Variants in CD1C observed in about 807,000 individuals in gnomAD.
CD1C encodes CD1c molecule, also known as T-cell surface glycoprotein CD1c.
CD1C carries 47 observed loss-of-function variants against 39.4 expected under a neutral mutation model. That is an observed-to-expected ratio of 1.19 (90% CI 0.94 to 1.52). CD1C has a LOEUF of 1.52. Among genes scored for constraint, CD1C ranks in the 40% most tolerant of loss-of-function variants. The pLI is 0.00. For synonymous variants in CD1C, 165 were observed against 150.8 expected, an observed-to-expected ratio of 1.09 and a Z score of -0.69; for missense variants, 417 against 395.2, an observed-to-expected ratio of 1.06 and a Z score of -0.47.
intron 1 of CD1C, 69 bp downstream of exon 1, chr1:158,290,194 G>A (rs1425169013): frequency 1.5e-6 from 2 of 1,377,730 alleles, no homozygotes; most frequent in Admixed American, 1.7e-5. Flanking sequence ...TTCCCGAGAT[G>A]GATCAATAGA....
rs1413223479 is a variant in CD1C, at chr1:158,294,451, C to T, written c.*975C>T. On this transcript the variant is annotated 3_prime_UTR_variant, in exon 6 of 6. Transcript: ENST00000368170. ...TCTCCTGAAGTTGCAATGTTTGCTT[C>T]CTCAATCTGTCCATGTTTCTTTTCT... Among the ~76,000 whole-genome samples, 1 of 152,098 alleles carries T rather than the reference C, an allele frequency of 6.6e-6. No homozygotes were observed. Among genetic ancestry groups the T allele is most frequent in the Non-Finnish European group, 1.5e-5 (1 of 68,012 alleles).
intron 2 of CD1C, among the ~76,000 whole-genome samples, chr1:158,291,671 G>A (rs1432490831): frequency 6.6e-6 from 1 of 151,990 alleles, no homozygotes; most frequent in Non-Finnish European, 1.5e-5. Flanking sequence ...GTCCCACTCT[G>A]TGCTTGACTC....
In CD1C at chr1:158,294,513, A is replaced by G. The variant is rs1651163724; in HGVS notation, c.*1037A>G. ...GTTTTTATTTATTTCAAAAAATTTT[A>G]AATAGATTTTATTGATGTATAATTT... On this transcript the variant is annotated 3_prime_UTR_variant, in exon 6 of 6. Coordinates refer to ENST00000368170, the MANE Select transcript of CD1C (RefSeq NM_001765.3). Among the ~76,000 whole-genome samples the G allele has an allele frequency of 2.0e-5, 3 of 152,142 alleles. No homozygotes were observed. The highest frequency in any genetic ancestry group is 2.9e-5 in the Non-Finnish European group (2 of 68,026).
Position 158,291,391 on chromosome 1 carries a change from T to G in CD1C, c.319T>G (p.Tyr107Asp), listed in dbSNP as rs1463202312. Residue 107 changes from tyrosine to aspartate, a missense_variant, in exon 2 of 6, where the codon TAC (tyrosine) becomes GAC (aspartate). By Grantham distance (160) the Tyr-to-Asp change is radical. Transcript: ENST00000368170. ...GATTCAAGACCATGCAAGTCAAGAT[T>G]ACTCGAAATGTAAGTTCAATCATCT... ...REIQDHASQD[Y>D]SKYPFEVQVK... The G allele has an allele frequency of 7.4e-6, 12 of 1,613,412 alleles. No individual in the cohort carries two copies. The East Asian group carries it at 2.7e-4, about 36-fold the overall frequency.
chr1:158,292,413 G>T (rs753700863), intron 3 of CD1C, 48 bp downstream of exon 3: 1 of 1,568,532 alleles, frequency 6.4e-7, no homozygotes, highest in South Asian at 1.2e-5. Flanking sequence ...TTCAAGTACT[G>T]CCCCTTCTGT....
intron 1 of CD1C, 32 bp from the exon 2 acceptor site, chr1:158,291,102 C>A: frequency 3.4e-6 from 5 of 1,476,682 alleles, no homozygotes; most frequent in South Asian, 1.4e-5. Flanking sequence ...TTTTTTTTTT[C>A]CTTACACTAC....
At chr1:158,291,100 TTC>T (rs1208337939) in intron 1 of CD1C, 32 bp from the exon 2 acceptor site, 3 of 1,570,182 alleles carry the variant, frequency 1.9e-6, no homozygotes, top group African/African-American at 1.4e-5. Flanking sequence ...TTTTTTTTTT[TTC>T]CTTACACTAC....
chr1:158,291,272 T>C lies in CD1C; in HGVS notation c.200T>C (p.Phe67Ser). ...GWDSESGTII[F>S]LHNWSKGNFS... ...GACAGTGAATCAGGCACAATAATTTTCCTGCATAACTGGTCCAAGGGCAAC... is the reference window on the plus strand; with the variant it reads ...GACAGTGAATCAGGCACAATAATTTCCCTGCATAACTGGTCCAAGGGCAAC... The change falls in exon 2 of 6, where the codon TTC (phenylalanine) becomes TCC (serine). Residue 67 changes from phenylalanine (F) to serine (S), a missense_variant. Coordinates refer to ENST00000368170, the MANE Select transcript of CD1C (RefSeq NM_001765.3). 2.5e-6 allele frequency: 4 copies of C among 1,614,130 alleles called. No individual in the cohort carries two copies. The highest frequency in any genetic ancestry group is 1.7e-6 in the Non-Finnish European group (2 of 1,180,016).
At position 158,292,096 on chromosome 1, in the gene CD1C, TA is replaced by T. The variant is rs764463540; in HGVS notation, c.342del (p.Gln115ArgfsTer2). On this transcript the variant is annotated frameshift_variant, in exon 3 of 6. Coordinates refer to ENST00000368170, the MANE Select transcript of CD1C (RefSeq NM_001765.3). LOFTEE classifies it high-confidence loss of function. ...SQDYSKYPFE[V>X]QVKAGCELHS... is the part of the protein sequence containing the mutation. ...TCCCTTCCTCCAGATCCCTTTGAAG[TA>T]CAGGTGAAAGCGGGCTGTGAGCTGC... 1.9e-6 allele frequency: 3 copies of T among 1,613,682 alleles called. No homozygotes were observed. Among genetic ancestry groups the T allele is most frequent in the Non-Finnish European group, 2.5e-6 (3 of 1,179,924 alleles).
chr1:158,292,899 G>T, intron 4 of CD1C, 25 bp downstream of exon 4: 1 of 1,610,228 alleles, frequency 6.2e-7, no homozygotes, highest in South Asian at 1.1e-5. Flanking sequence ...TGGAAGTGTA[G>T]GTAGGTGGTT....
Position 158,293,228 on chromosome 1 carries a change from G to T in CD1C, c.906G>T (p.Met302Ile). The change falls in exon 5 of 6, where the codon ATG becomes ATT. Residue 302 changes from methionine to isoleucine, a missense_variant. By Grantham distance (10) the Met-to-Ile change is conservative. Coordinates refer to ENST00000368170, the MANE Select transcript of CD1C (RefSeq NM_001765.3). ...TATGTGCAGGACACCACTTTTCCAT[G>T]AATTGGATTGCCTTGGTAGTGATAG... ...IILYWGHHFS[M>I]NWIALVVIVP... 6.2e-7 allele frequency: 1 copy of T among 1,613,866 alleles called. No homozygotes were observed. Among genetic ancestry groups the T allele is most frequent in the Non-Finnish European group, 8.5e-7 (1 of 1,179,782 alleles).
Position 158,290,038 on chromosome 1 carries a change from T to G in CD1C, c.-27T>G. 6.2e-7 allele frequency: 1 copy of G among 1,611,400 alleles called. No individual in the cohort carries two copies. The highest frequency in any genetic ancestry group is 8.5e-7 in the Non-Finnish European group (1 of 1,177,594). ...AACAGAGATCAGCAAACAGCTTTTC[T>G]GAGAGAAAGAAACATCTGCAAATGA... On this transcript the variant is annotated 5_prime_UTR_variant, in exon 1 of 6. It removes the in-frame stop codon of an upstream open reading frame in the 5' UTR. Transcript: ENST00000368170.
rs1279182344 is a variant in CD1C, at chr1:158,294,601, G to GTAAACAAAAT, written c.*1126_*1135dup. 2.0e-5 allele frequency among the ~76,000 whole-genome samples: 3 copies of GTAAACAAAAT among 152,156 alleles called. No homozygotes were observed. The highest frequency in any genetic ancestry group is 2.9e-5 in the Non-Finnish European group (2 of 68,034). On this transcript the variant is annotated 3_prime_UTR_variant, in exon 6 of 6. Coordinates refer to ENST00000368170, the MANE Select transcript of CD1C (RefSeq NM_001765.3). ...TATTTTGATAATTATATAAGCCCAT[G>GTAAACAAAAT]TAAACAAAATCACAATCAAGATATT...
In CD1C at chr1:158,292,701, G is replaced by A; in HGVS notation, c.716G>A (p.Trp239Ter). Residue 239 changes from tryptophan to a stop codon, truncating the protein, a stop_gained, in exon 4 of 6, where the codon TGG becomes TAG. Coordinates refer to ENST00000368170, the MANE Select transcript of CD1C (RefSeq NM_001765.3). LOFTEE classifies it high-confidence loss of function. The stretch of plus-strand genomic sequence containing the variant: ...TACCCAAAGCCTGTTTGGGTGACAT[G>A]GATGCGGAATGAACAGGAGCAACTG... ...GFYPKPVWVT[W>*]MRNEQEQLGT... 1 of 1,614,180 alleles carries A rather than the reference G, an allele frequency of 6.2e-7. No individual in the cohort carries two copies. Among genetic ancestry groups the A allele is most frequent in the East Asian group, 2.2e-5 (1 of 44,890 alleles).
At position 158,292,576 on chromosome 1, in the gene CD1C, A is replaced by C; in HGVS notation, c.611-20A>C. 1.2e-6 allele frequency: 2 copies of C among 1,607,248 alleles called. No individual in the cohort carries two copies. The highest frequency in any genetic ancestry group is 1.7e-6 in the Non-Finnish European group (2 of 1,177,052). ...TGTGTGTAAGTTTCTTCATCAGAAC[A>C]CTTTTTCTGCTCTCTGCAGTGAGGC... On this transcript the variant is annotated intron_variant, in intron 3 of 5. Coordinates refer to ENST00000368170, the MANE Select transcript of CD1C (RefSeq NM_001765.3).
intron 4 of CD1C, 106 bp from the exon 5 acceptor site, chr1:158,293,106 C>A: frequency 2.1e-6 from 2 of 973,352 alleles, no homozygotes; most frequent in South Asian, 1.5e-5. Flanking sequence ...AATAGGATAA[C>A]TGATGCAACT....
chr1:158,292,934 G>A (rs988714073), intron 4 of CD1C, 60 bp downstream of exon 4: 5 of 1,554,652 alleles, frequency 3.2e-6, no homozygotes, highest in Non-Finnish European at 3.5e-6. Flanking sequence ...TTAGGGGAGA[G>A]GAAATTTTGA....
chr1:158,293,724 C>T lies in CD1C; in HGVS notation c.*248C>T, dbSNP rs1651138638. ...CTCCAACGATCTTCCTTGACCCATACTGAACCCAGAGAGCCCCTCAACTGT... is the reference window on the plus strand; with the variant it reads ...CTCCAACGATCTTCCTTGACCCATATTGAACCCAGAGAGCCCCTCAACTGT... On this transcript the variant is annotated 3_prime_UTR_variant, in exon 6 of 6. Coordinates refer to ENST00000368170, the MANE Select transcript of CD1C (RefSeq NM_001765.3). 1 of 839,914 alleles carries T rather than the reference C, an allele frequency of 1.2e-6. No homozygotes were observed. The allele number at this position is 839,914 out of a possible 1,614,324, so 52.0% of individuals were successfully genotyped here.
At chr1:158,292,027 T>C in intron 2 of CD1C, 57 bp from the exon 3 acceptor site, 1 of 1,534,024 alleles carries the variant, frequency 6.5e-7, no homozygotes, top group Admixed American at 2.0e-5. Flanking sequence ...TAGGTTTTTA[T>C]ACTGTTGTTT....
Sources: gnomAD v4.1 joint callset for allele counts (sites outside exome capture counted in the v4.1 genomes callset) on GRCh38, gnomAD v4.1.1 for gene constraint, MANE v1.5 for transcripts, NCBI Gene and HGNC (gene_info 2026-07-23, HGNC 2026-07-21) for gene names.